The following CPA1 variants were observed in gnomAD, a reference collection of about 807,000 sequenced individuals.
CPA1 encodes carboxypeptidase A1.
Under a neutral mutation model 48.7 loss-of-function variants are expected in CPA1, and 42 were observed. The ratio of observed to expected loss-of-function variants is 0.86; its 90% CI spans 0.67 to 1.11. CPA1 has a LOEUF of 1.11. CPA1 is among the 50% of genes most tolerant of loss of function. The pLI, the probability that CPA1 is intolerant of heterozygous loss-of-function variation, is 0.00. For missense variants in CPA1, 477 were observed against 544.7 expected (o/e 0.88, Z 1.24); for synonymous variants, 203 against 217.9 (o/e 0.93, Z 0.60).
At chr7:130,381,934 G>C in intron 3 of CPA1, 71 bp downstream of exon 3, 1 of 1,449,354 alleles carries the variant, frequency 6.9e-7, no homozygotes, top group Non-Finnish European at 9.5e-7. Context: ...ACGCGGTAGG[G>C]CCAAGGCCAG....
chr7:130,387,615 TCTC>T lies in CPA1; in HGVS notation c.1073-205_1073-203del, dbSNP rs2117508854. On this transcript the variant is annotated intron_variant, in intron 9 of 9. Coordinates refer to ENST00000011292, the MANE Select transcript of CPA1 (RefSeq NM_001868.4). The surrounding 1 kb of genome is among the most constrained non-coding windows in gnomAD (Gnocchi z 4.6). ...TAGTGAATAGGGGAACCATTGCTGG[TCTC>T]CTCTTTGGACCTCTTGGCTTAGACC... Among the ~76,000 whole-genome samples, 1 of 152,266 alleles carries T rather than the reference TCTC, an allele frequency of 6.6e-6. No homozygotes were observed. The highest frequency in any genetic ancestry group is 1.9e-4 in the East Asian group (1 of 5,178).
At position 130,387,218 on chromosome 7, in the gene CPA1, A is replaced by C. The variant is rs1283959262; in HGVS notation, c.1073-606A>C. 1.3e-5 allele frequency among the ~76,000 whole-genome samples: 2 copies of C among 152,162 alleles called. No homozygotes were observed. Among genetic ancestry groups the C allele is most frequent in the African/African-American group, 2.4e-5 (1 of 41,424 alleles). On this transcript the variant is annotated intron_variant, in intron 9 of 9. Transcript: ENST00000011292. The surrounding 1 kb of genome is among the most constrained non-coding windows in gnomAD (Gnocchi z 4.6). Reference sequence around the variant, plus strand: ...CACAATCTTATCCAAGGTTGACCTCACTTTTGGACTCCAGGCCTTCTTTGG... The same window carrying C: ...CACAATCTTATCCAAGGTTGACCTCCCTTTTGGACTCCAGGCCTTCTTTGG...
intron 7 of CPA1, 157 bp downstream of exon 7, chr7:130,384,783 C>G: frequency 1.5e-6 from 1 of 657,238 alleles, no homozygotes; most frequent in Middle Eastern, 4.1e-4. Context: ...AGGCTGTGCT[C>G]TGAGAGTTGG....
In CPA1 at chr7:130,387,151, C is replaced by T. The variant is rs547132929; in HGVS notation, c.1073-673C>T. Among the ~76,000 whole-genome samples the T allele has an allele frequency of 6.6e-6, 1 of 152,336 alleles. No homozygotes were observed. Among genetic ancestry groups the T allele is most frequent in the South Asian group, 2.1e-4 (1 of 4,822 alleles). Reference sequence around the variant, plus strand: ...GGCAGGGCTGCGTACACACCTCACACGCTTCCTGCCTGAGTGCCTAGGCCT... The same window carrying T: ...GGCAGGGCTGCGTACACACCTCACATGCTTCCTGCCTGAGTGCCTAGGCCT... On this transcript the variant is annotated intron_variant, in intron 9 of 9. Transcript: ENST00000011292. This position sits in a 1 kb window ranked among gnomAD's most constrained non-coding sequence, Gnocchi z 4.6.
At position 130,381,755 on chromosome 7, in the gene CPA1, G is replaced by A. The variant is rs371709718; in HGVS notation, c.273G>A (p.Glu91=). 2 of 1,614,064 alleles carry A rather than the reference G, an allele frequency of 1.2e-6. No homozygotes were observed. Among genetic ancestry groups the A allele is most frequent in the African/African-American group, 1.3e-5 (1 of 74,932 alleles). ...GCATCAGCTATGAGACCATGATCGA[G>A]GACGTGCAGTCGCTGCTGGACGAGG... ...SHGISYETMI[E]DVQSLLDEEQ... Residue 91 remains glutamate, a synonymous_variant, in exon 3 of 10, where the codon GAG becomes GAA. Transcript: ENST00000011292.
intron 3 of CPA1, 52 bp from the exon 4 acceptor site, chr7:130,382,056 T>C (rs1796413524): frequency 6.7e-6 from 10 of 1,488,620 alleles, no homozygotes; most frequent in Non-Finnish European, 9.3e-6. Flanking sequence ...AAGGGAAGCA[T>C]CTGGGTGCCC....
chr7:130,382,895 G>A (rs1396070320), intron 4 of CPA1, among the ~76,000 whole-genome samples: 2 of 151,812 alleles, frequency 1.3e-5, no homozygotes, highest in Non-Finnish European at 2.9e-5. Flanking sequence ...TGCCTGCCTC[G>A]GACTCCCAAA....
At position 130,381,217 on chromosome 7, in the gene CPA1, G is replaced by A. The variant is rs769989860; in HGVS notation, c.147+38G>A. On this transcript the variant is annotated intron_variant, in intron 2 of 9. Transcript: ENST00000011292. ...GAGAAGGGCTCTCTGAGGCCCCAGG[G>A]TATCAGCTGGGGCCACCCCAGGTCC... 14 of 1,503,076 alleles carry A rather than the reference G, an allele frequency of 9.3e-6. No individual in the cohort carries two copies. In the Admixed American group the frequency reaches 1.0e-4, roughly 11 times the overall value. 93.1% of individuals were successfully genotyped at this position (1,503,076 alleles called of 1,614,324 possible).
rs1796493787 is a variant in CPA1 at position 130,387,675 on chromosome 7, C to T, written c.1073-149C>T. The T allele has an allele frequency of 1.4e-6, 1 of 731,536 alleles. No individual in the cohort carries two copies. The highest frequency in any genetic ancestry group is 2.5e-5 in the East Asian group (1 of 39,854). 45.3% of individuals were successfully genotyped at this position (731,536 alleles called of 1,614,324 possible). A position where few individuals can be genotyped will look rare whatever the true frequency, so the allele number is the denominator to read the frequency against. On this transcript the variant is annotated intron_variant, in intron 9 of 9. Coordinates refer to ENST00000011292, the MANE Select transcript of CPA1 (RefSeq NM_001868.4). This position sits in a 1 kb window ranked among gnomAD's most constrained non-coding sequence, Gnocchi z 4.6. The stretch of plus-strand genomic sequence containing the variant: ...TGGGAGTTTCTTGGAAGTGAGGCTG[C>T]TTGGTCAACAGCAGACCTTAGTAGA...
At position 130,385,833 on chromosome 7, in the gene CPA1, G is replaced by C. The variant is rs782525714; in HGVS notation, c.988-6G>C. Reference sequence around the variant, plus strand: ...GACAGGTGGCTTTGCTTGGTGTTTTGTCCAGGATCAGCTTTCCAAGGCTGC... The same window carrying C: ...GACAGGTGGCTTTGCTTGGTGTTTTCTCCAGGATCAGCTTTCCAAGGCTGC... On this transcript the variant is annotated splice_polypyrimidine_tract_variant and splice_region_variant and intron_variant, in intron 8 of 9. Transcript: ENST00000011292. The C allele has an allele frequency of 6.2e-7, 1 of 1,613,248 alleles. No homozygotes were observed. The highest frequency in any genetic ancestry group is 1.3e-5 in the African/African-American group (1 of 74,906).
intron 4 of CPA1, among the ~76,000 whole-genome samples, chr7:130,382,630 A>ATTTTTTTT (rs34457825): frequency 5.4e-5 from 4 of 74,360 alleles, no homozygotes; most frequent in Non-Finnish European, 7.2e-5. Context: ...TGCCCGGGTA[A>ATTTTTTTT]TTTTTTTTTT....
At chr7:130,386,137 G>A (rs782086636) in intron 9 of CPA1, among the ~76,000 whole-genome samples, 1 of 152,120 alleles carries the variant, frequency 6.6e-6, no homozygotes, top group African/African-American at 2.4e-5. Context: ...TCCTCTGACA[G>A]CTCTTGTCCT....
chr7:130,383,407 G>A lies in CPA1; in HGVS notation c.500G>A (p.Ser167Asn), dbSNP rs1796431541. The A allele has an allele frequency of 7.4e-6, 12 of 1,614,042 alleles. No individual in the cohort carries two copies. The highest frequency in any genetic ancestry group is 7.6e-6 in the Non-Finnish European group (9 of 1,180,026). The part of the protein sequence containing the change: ...IYVLKFSTGG[S>N]KRPAIWIDTG... ...CCTCTCCAGTTCAGCACGGGGGGCA[G>A]TAAGCGTCCAGCCATCTGGATCGAC... The change falls in exon 5 of 10, where the codon AGT becomes AAT. Residue 167 changes from serine to asparagine, a missense_variant. Coordinates refer to ENST00000011292, the MANE Select transcript of CPA1 (RefSeq NM_001868.4).
intron 2 of CPA1, 25 bp from the exon 3 acceptor site, chr7:130,381,605 C>T (rs1457010449): frequency 1.3e-6 from 2 of 1,587,366 alleles, no homozygotes; most frequent in Non-Finnish European, 1.7e-6. Context: ...CCCGCTGTGA[C>T]CGTGCCGGCT....
At chr7:130,383,000 CA>C (rs1413779885) in intron 4 of CPA1, among the ~76,000 whole-genome samples, 114 of 152,118 alleles carry the variant, frequency 7.5e-4, no homozygotes, top group African/African-American at 2.6e-3. Context: ...TGGCTGGTCT[CA>C]AACTCCTGGG....
At chr7:130,380,712 G>A in intron 1 of CPA1, 127 bp downstream of exon 1, 1 of 555,160 alleles carries the variant, frequency 1.8e-6, no homozygotes, top group Non-Finnish European at 3.0e-6. Context: ...GGCACCACCT[G>A]GGACAGCTGG....
chr7:130,387,894 C>G lies in CPA1; in HGVS notation c.1143C>G (p.Leu381=). 6.2e-7 allele frequency: 1 copy of G among 1,614,172 alleles called. No homozygotes were observed. Among genetic ancestry groups the G allele is most frequent in the Middle Eastern group, 1.6e-4 (1 of 6,062 alleles). The change falls in exon 10 of 10, where the codon CTC becomes CTG. Residue 381 remains leucine, a synonymous_variant. Transcript: ENST00000011292. This position sits in a 1 kb window ranked among gnomAD's most constrained non-coding sequence, Gnocchi z 4.6. ...TCAAGTACTCCTTCACCTTCGAGCT[C>G]CGGGACACTGGGCGCTATGGCTTCC... is the stretch of plus-strand genomic sequence containing the variant. ...QGIKYSFTFE[L]RDTGRYGFLL... is the part of the protein sequence containing the mutation.
At chr7:130,382,234 CAG>C (rs1554411331) in intron 4 of CPA1, 25 bp downstream of exon 4, 8 of 1,582,616 alleles carry the variant, frequency 5.1e-6, no homozygotes, top group Non-Finnish European at 6.9e-6. Context: ...TGGACATACA[CAG>C]GGGAGAATGG....
chr7:130,387,748 T>A lies in CPA1; in HGVS notation c.1073-76T>A. The A allele has an allele frequency of 5.3e-6, 7 of 1,332,970 alleles. No homozygotes were observed. The highest frequency in any genetic ancestry group is 3.7e-5 in the Admixed American group (2 of 53,942). The allele number at this position is 1,332,970 out of a possible 1,614,324, so 82.6% of individuals were successfully genotyped here. Reference sequence around the variant, plus strand: ...ACAAGGCACAGAGCTTTGGACAGGGTTGGATCGTTAACCCAACCCGTGTAA... The same window carrying A: ...ACAAGGCACAGAGCTTTGGACAGGGATGGATCGTTAACCCAACCCGTGTAA... On this transcript the variant is annotated intron_variant, in intron 9 of 9. Transcript: ENST00000011292. The surrounding 1 kb of genome is among the most constrained non-coding windows in gnomAD (Gnocchi z 4.6).
Sources: gnomAD v4.1 joint callset for allele counts (sites outside exome capture counted in the v4.1 genomes callset) on GRCh38, gnomAD v4.1.1 for gene constraint, Gnocchi (gnomAD v3.1) non-coding constraint, MANE v1.5 for transcripts, NCBI Gene and HGNC (gene_info 2026-07-23, HGNC 2026-07-21) for gene names.